The following EPHA5 variants were observed in gnomAD, a reference collection of about 807,000 sequenced individuals.
The protein encoded by EPHA5 is ephrin type-A receptor 5.
In EPHA5, 60 loss-of-function variants were observed where a neutral mutation model predicts 105.0. The ratio of observed to expected loss-of-function variants is 0.57; its 90% CI spans 0.46 to 0.71. EPHA5 has a LOEUF of 0.71. EPHA5 is among the 30% of genes least tolerant of loss of function. The pLI is 0.00. For synonymous variants in EPHA5, 513 were observed against 449.1 expected (o/e 1.14, Z -1.80); for missense variants, 1,218 against 1,274.7 (o/e 0.96, Z 0.68).
chr4:65,661,721 G>C (rs1560836375), intron 1 of EPHA5, among the ~76,000 whole-genome samples: 3 of 152,248 alleles, frequency 2.0e-5, no homozygotes, highest in South Asian at 4.1e-4. Flanking sequence ...GCAAGCTCCT[G>C]CTGTGGACTG....
chr4:65,578,271 T>TTG (rs941704627), intron 3 of EPHA5, among the ~76,000 whole-genome samples: 5 of 152,122 alleles, frequency 3.3e-5, no homozygotes, highest in Non-Finnish European at 4.4e-5. Context: ...ATACAAGACA[T>TTG]AACAGTAGGC....
At chr4:65,387,361 T>G (rs960455980) in intron 8 of EPHA5, among the ~76,000 whole-genome samples, 7 of 151,928 alleles carry the variant, frequency 4.6e-5, no homozygotes, top group Non-Finnish European at 8.8e-5. Context: ...CTGTACAAGC[T>G]CCATTCAGAT....
chr4:65,478,074 T>G (rs551934214), intron 5 of EPHA5, among the ~76,000 whole-genome samples: 1 of 152,344 alleles, frequency 6.6e-6, no homozygotes, highest in East Asian at 1.9e-4. Context: ...AATCCCATCT[T>G]TGAACTGTTT....
intron 1 of EPHA5, among the ~76,000 whole-genome samples, chr4:65,653,060 C>T (rs1260277724): frequency 6.6e-6 from 1 of 152,002 alleles, no homozygotes. Flanking sequence ...TGAAGGGATG[C>T]TTACCTTAGT....
intron 8 of EPHA5, among the ~76,000 whole-genome samples, chr4:65,387,473 C>G (rs1720220123): frequency 6.6e-6 from 1 of 151,980 alleles, no homozygotes; most frequent in African/African-American, 2.4e-5. Flanking sequence ...AAATGCACAT[C>G]TACTTATATT....
chr4:65,386,841 G>A (rs1487971408), intron 8 of EPHA5, among the ~76,000 whole-genome samples: 1 of 151,724 alleles, frequency 6.6e-6, no homozygotes, highest in Non-Finnish European at 1.5e-5. Flanking sequence ...TGTCTTTTAT[G>A]TTCTTTGTAA....
intron 3 of EPHA5, among the ~76,000 whole-genome samples, chr4:65,569,547 G>A (rs1739904030): frequency 6.6e-6 from 1 of 151,440 alleles, no homozygotes; most frequent in Non-Finnish European, 1.5e-5. Context: ...ACTTGAATCT[G>A]GACCAGATAA....
chr4:65,574,669 C>CATATATATACAT (rs1560717637), intron 3 of EPHA5, among the ~76,000 whole-genome samples: 14 of 29,834 alleles, frequency 4.7e-4, no homozygotes, highest in Non-Finnish European at 6.8e-4. Flanking sequence ...TATATATACA[C>CATATATATACAT]ATATATATAC....
intron 2 of EPHA5, among the ~76,000 whole-genome samples, chr4:65,638,102 C>T (rs954910732): frequency 1.3e-5 from 2 of 151,972 alleles, no homozygotes; most frequent in African/African-American, 4.8e-5. Context: ...TTCTTAAGGC[C>T]TAAAGTTAAG....
At chr4:65,488,859 T>A (rs1731130271) in intron 5 of EPHA5, among the ~76,000 whole-genome samples, 1 of 150,448 alleles carries the variant, frequency 6.6e-6, no homozygotes, top group Non-Finnish European at 1.5e-5. Flanking sequence ...CAGTAGCAAC[T>A]ATCAACTCTG....
chr4:65,450,092 T>A (rs1726931472), intron 5 of EPHA5, among the ~76,000 whole-genome samples: 1 of 152,164 alleles, frequency 6.6e-6, no homozygotes. Flanking sequence ...GAGTCATGAA[T>A]ATTACGTTTT....
At chr4:65,580,934 C>T (rs1341060896) in intron 3 of EPHA5, among the ~76,000 whole-genome samples, 5 of 151,692 alleles carry the variant, frequency 3.3e-5, no homozygotes, top group Non-Finnish European at 5.9e-5. Context: ...CAAGTAATTA[C>T]AAGAGATTTC....
intron 5 of EPHA5, among the ~76,000 whole-genome samples, chr4:65,468,678 A>AATATATATATAATATATATAATATATAT (rs1560572066): frequency 7.6e-6 from 1 of 132,274 alleles, no homozygotes; most frequent in Non-Finnish European, 1.6e-5. Flanking sequence ...TAACATATAT[A>AATATATATATAATATATATAATATATAT]CATATATATA....
At chr4:65,357,548 A>G (rs1723421711) in intron 11 of EPHA5, among the ~76,000 whole-genome samples, 1 of 151,462 alleles carries the variant, frequency 6.6e-6, no homozygotes, top group Non-Finnish European at 1.5e-5. Context: ...ATATATGCTC[A>G]TTACCCACAT....
intron 1 of EPHA5, among the ~76,000 whole-genome samples, chr4:65,652,878 G>A (rs1175511334): frequency 2.0e-5 from 3 of 151,922 alleles, no homozygotes. Flanking sequence ...AAGCAACAAA[G>A]TAATAATGAA....
At chr4:65,480,272 G>A (rs1409304028) in intron 5 of EPHA5, among the ~76,000 whole-genome samples, 2 of 152,192 alleles carry the variant, frequency 1.3e-5, no homozygotes, top group Non-Finnish European at 2.9e-5. Context: ...TAAGTATGCA[G>A]TGAAATGTGT....
At chr4:65,510,930 G>A (rs1733559469) in intron 3 of EPHA5, among the ~76,000 whole-genome samples, 1 of 152,182 alleles carries the variant, frequency 6.6e-6, no homozygotes, top group South Asian at 2.1e-4. Flanking sequence ...ATTAGGTCAT[G>A]AGAGTGGGCT....
intron 2 of EPHA5, among the ~76,000 whole-genome samples, chr4:65,630,627 A>G (rs953212646): frequency 6.6e-6 from 1 of 152,114 alleles, no homozygotes; most frequent in Non-Finnish European, 1.5e-5. Flanking sequence ...GCTTTTTAAT[A>G]AATTTCCACT....
intron 5 of EPHA5, among the ~76,000 whole-genome samples, chr4:65,464,331 A>G (rs1349273136): frequency 6.6e-6 from 1 of 152,038 alleles, no homozygotes; most frequent in Non-Finnish European, 1.5e-5. Context: ...ACGTGCCTAC[A>G]AAATTTAAAT....
Sources: gnomAD v4.1 joint callset for allele counts (sites outside exome capture counted in the v4.1 genomes callset) on GRCh38, gnomAD v4.1.1 for gene constraint, MANE v1.5 for transcripts, NCBI Gene and HGNC (gene_info 2026-07-23, HGNC 2026-07-21) for gene names.